SFXN5: variants seen among roughly 807,000 people sequenced by gnomAD.
SFXN5 encodes the protein sideroflexin 5.
Under a neutral mutation model 50.2 loss-of-function variants are expected in SFXN5, and 43 were observed. That is an observed-to-expected ratio of 0.86 (90% CI 0.67 to 1.11). The LOEUF (loss-of-function observed/expected upper bound fraction) is 1.11. Ranked by LOEUF, SFXN5 falls within the 50% of genes least tolerant of loss-of-function variation. The pLI is 0.00. For synonymous variants in SFXN5, 203 were observed against 185.8 expected (o/e 1.09, Z -0.75); for missense variants, 463 against 454.1 (o/e 1.02, Z -0.18).
intron 13 of SFXN5, chr2:72,957,106 A>G: frequency 2.2e-6 from 1 of 456,128 alleles, no homozygotes; most frequent in African/African-American, 2.0e-5. Context: ...TCTTCCTCCT[A>G]TAGTGGACCA....
intron 6 of SFXN5, among the ~76,000 whole-genome samples, chr2:73,018,218 G>A (rs1373758676): frequency 1.4e-5 from 2 of 138,340 alleles, no homozygotes; most frequent in African/African-American, 5.4e-5. Context: ...AAAAAAGAAA[G>A]AAAAAGGAAG....
At chr2:72,954,876 T>A (rs1476251125) in intron 13 of SFXN5, among the ~76,000 whole-genome samples, 2 of 152,236 alleles carry the variant, frequency 1.3e-5, no homozygotes, top group African/African-American at 4.8e-5. Flanking sequence ...TCTTGAGTTT[T>A]CACTTCCCTA....
intron 2 of SFXN5, among the ~76,000 whole-genome samples, chr2:73,047,265 T>TACACAC (rs1559199795): frequency 1.7e-4 from 13 of 78,356 alleles, no homozygotes; most frequent in African/African-American, 6.8e-4. Context: ...TATATATATA[T>TACACAC]ATATATATAT....
At chr2:73,005,985 C>T (rs2105732555) in intron 6 of SFXN5, among the ~76,000 whole-genome samples, 1 of 152,274 alleles carries the variant, frequency 6.6e-6, no homozygotes, top group South Asian at 2.1e-4. Context: ...CATACCCTTG[C>T]CACGGCCTCA....
At chr2:73,066,393 A>T (rs966528285) in intron 1 of SFXN5, among the ~76,000 whole-genome samples, 1 of 151,932 alleles carries the variant, frequency 6.6e-6, no homozygotes, top group Non-Finnish European at 1.5e-5. Flanking sequence ...CCCCATCTCT[A>T]CTAAAAATAC....
At chr2:72,994,226 C>T (rs563905791) in intron 9 of SFXN5, among the ~76,000 whole-genome samples, 1 of 152,308 alleles carries the variant, frequency 6.6e-6, no homozygotes, top group Non-Finnish European at 1.5e-5. Flanking sequence ...AACACCTAAA[C>T]AATGCCTGGC....
intron 2 of SFXN5, chr2:73,041,492 C>T: frequency 4.7e-6 from 1 of 212,374 alleles, no homozygotes; most frequent in Non-Finnish European, 1.0e-5. Flanking sequence ...GAGTTCGAGA[C>T]CAGCCTGACC....
intron 2 of SFXN5, among the ~76,000 whole-genome samples, chr2:73,054,186 T>C (rs1681781859): frequency 6.6e-6 from 1 of 152,104 alleles, no homozygotes; most frequent in Admixed American, 6.5e-5. Flanking sequence ...GGCCAGCAGG[T>C]AGTCCTGGAA....
intron 1 of SFXN5, among the ~76,000 whole-genome samples, chr2:73,064,836 G>A (rs558049157): frequency 2.0e-5 from 3 of 152,330 alleles, no homozygotes; most frequent in Non-Finnish European, 4.4e-5. Context: ...ACCCAGGCTG[G>A]AGTGCAGTGG....
Position 72,942,847 on chromosome 2 carries a change from G to A in SFXN5, c.*2175C>T, listed in dbSNP as rs1455337091. The A allele has an allele frequency of 6.6e-6, 1 of 152,268 alleles. No individual in the cohort carries two copies. The highest frequency in any genetic ancestry group is 1.5e-5 in the Non-Finnish European group (1 of 68,078). 9.4% of individuals were successfully genotyped at this position (152,268 alleles called of 1,614,324 possible). A position where few individuals can be genotyped will look rare whatever the true frequency, so the allele number is the denominator to read the frequency against. On this transcript the variant is annotated 3_prime_UTR_variant, in exon 14 of 14. Transcript: ENST00000272433. ...GGCCAGGGCACCAGGCCTCTGGCAG[G>A]GGGAGGGCGGGAAGGGGTGGGTAGG...
intron 9 of SFXN5, among the ~76,000 whole-genome samples, chr2:72,990,521 G>C (rs1205279477): frequency 1.3e-5 from 2 of 152,188 alleles, no homozygotes; most frequent in Admixed American, 6.5e-5. Flanking sequence ...TGAAGAGGAG[G>C]GGGGCTCGGG....
chr2:73,027,615 A>G (rs1394927954), intron 3 of SFXN5, among the ~76,000 whole-genome samples: 2 of 152,172 alleles, frequency 1.3e-5, no homozygotes, highest in Non-Finnish European at 2.9e-5. Context: ...CAGTCCTGCA[A>G]GCTCCATTGA....
chr2:72,951,614 C>G (rs1312749860), intron 13 of SFXN5, among the ~76,000 whole-genome samples: 1 of 152,022 alleles, frequency 6.6e-6, no homozygotes, highest in Non-Finnish European at 1.5e-5. Flanking sequence ...AAACTGGATC[C>G]CCTGCCTGTG....
intron 1 of SFXN5, among the ~76,000 whole-genome samples, chr2:73,066,328 C>T (rs571328391): frequency 2.6e-5 from 4 of 152,160 alleles, no homozygotes; most frequent in South Asian, 4.2e-4. Flanking sequence ...GAGGCCGAGG[C>T]GGGTGGATCA....
intron 1 of SFXN5, among the ~76,000 whole-genome samples, chr2:73,065,368 T>C (rs1683098226): frequency 6.6e-6 from 1 of 152,178 alleles, no homozygotes; most frequent in South Asian, 2.1e-4. Context: ...CTCGAAGTGC[T>C]GGGATTACAG....
intron 6 of SFXN5, among the ~76,000 whole-genome samples, chr2:73,008,399 A>AGGGCTGAGAGAGGCACAAATGC (rs746746798): frequency 2.6e-3 from 398 of 152,322 alleles, no homozygotes; most frequent in Non-Finnish European, 4.2e-3. Context: ...TGGGGAGCTC[A>AGGGCTGAGAGAGGCACAAATGC]GGGCTGAGAG....
rs1670273580 is a variant in SFXN5 at position 72,973,531 on chromosome 2, A to G, written c.626-1846T>C. 5.9e-6 allele frequency: 1 copy of G among 169,816 alleles called. No individual in the cohort carries two copies. Among genetic ancestry groups the G allele is most frequent in the Non-Finnish European group, 1.4e-5 (1 of 69,000 alleles). 10.5% of individuals were successfully genotyped at this position (169,816 alleles called of 1,614,324 possible). ...CCCCAAATATGTCAACATTGCTGAC[A>G]CTGAGAAACCCTTGTTTTCACCACA... On this transcript the variant is annotated intron_variant, in intron 10 of 13. Transcript: ENST00000272433. This position sits in a 1 kb window ranked among gnomAD's most constrained non-coding sequence, Gnocchi z 5.5.
rs1326701820 is a variant in SFXN5, at chr2:72,961,958, C to T, written c.828-710G>A. 6.6e-6 allele frequency among the ~76,000 whole-genome samples: 1 copy of T among 152,220 alleles called. No homozygotes were observed. The highest frequency in any genetic ancestry group is 1.5e-5 in the Non-Finnish European group (1 of 68,042). ...ACCAACACAACACAGCTGGCACCCTCTTCCCATGGCTGGCTTCGGAGCTGG... is the reference window on the plus strand; with the variant it reads ...ACCAACACAACACAGCTGGCACCCTTTTCCCATGGCTGGCTTCGGAGCTGG... On this transcript the variant is annotated intron_variant, in intron 12 of 13. Transcript: ENST00000272433. This position sits in a 1 kb window ranked among gnomAD's most constrained non-coding sequence, Gnocchi z 4.4.
chr2:72,995,150 G>A (rs1673063650), intron 9 of SFXN5, among the ~76,000 whole-genome samples: 1 of 152,108 alleles, frequency 6.6e-6, no homozygotes, highest in Non-Finnish European at 1.5e-5. Flanking sequence ...ACAGTCCCCC[G>A]ATGGGAGTCA....
Sources: gnomAD v4.1 joint callset for allele counts (sites outside exome capture counted in the v4.1 genomes callset) on GRCh38, gnomAD v4.1.1 for gene constraint, Gnocchi (gnomAD v3.1) non-coding constraint, MANE v1.5 for transcripts, NCBI Gene and HGNC (gene_info 2026-07-23, HGNC 2026-07-21) for gene names.